The following PPP1R9A variants were observed in gnomAD, a reference collection of about 807,000 sequenced individuals.
PPP1R9A encodes protein phosphatase 1 regulatory subunit 9A.
A neutral mutation model predicts 141.9 loss-of-function variants in PPP1R9A; 59 were observed. That is an observed-to-expected ratio of 0.42 (90% CI 0.34 to 0.52). The LOEUF (loss-of-function observed/expected upper bound fraction) is 0.52, where lower values mean the gene tolerates loss of function less well. PPP1R9A is among the 20% of genes least tolerant of loss of function. The pLI, the probability that PPP1R9A is intolerant of heterozygous loss-of-function variation, is 0.10. For synonymous variants in PPP1R9A, 500 were observed against 569.7 expected (o/e 0.88, Z 1.74); for missense variants, 1,444 against 1,611.9 (o/e 0.90, Z 1.78).
chr7:95,240,201 G>GT (rs34600052), intron 8 of PPP1R9A, among the ~76,000 whole-genome samples: 20,020 of 151,890 alleles, frequency 0.13, 1,513 homozygotes, highest in African/African-American at 0.18. Flanking sequence ...AAGTTTTATT[G>GT]TTTTAAGAGT....
intron 4 of PPP1R9A, among the ~76,000 whole-genome samples, chr7:95,142,063 T>TA (rs1327512994): frequency 6.6e-6 from 1 of 152,134 alleles, no homozygotes; most frequent in African/African-American, 2.4e-5. Flanking sequence ...ATTGAGTGGG[T>TA]ATGAAGTATT....
At chr7:95,200,878 GT>G (rs899646718) in intron 6 of PPP1R9A, among the ~76,000 whole-genome samples, 1 of 152,136 alleles carries the variant, frequency 6.6e-6, no homozygotes, top group East Asian at 1.9e-4. Context: ...AGCAACTGAG[GT>G]TTTTTTCTAG....
At chr7:95,219,697 G>A (rs1554570624) in intron 7 of PPP1R9A, among the ~76,000 whole-genome samples, 2 of 151,998 alleles carry the variant, frequency 1.3e-5, no homozygotes, top group Non-Finnish European at 2.9e-5. Flanking sequence ...GCTGGGCCAG[G>A]CATCATTTTG....
chr7:95,128,568 CGTTT>C (rs372584781), intron 4 of PPP1R9A, among the ~76,000 whole-genome samples: 32 of 151,850 alleles, frequency 2.1e-4, no homozygotes, highest in Middle Eastern at 3.4e-3. Context: ...GTTTTCTGTT[CGTTT>C]GTTTGTTTGT....
intron 2 of PPP1R9A, among the ~76,000 whole-genome samples, chr7:94,915,068 AT>A: frequency 6.6e-6 from 1 of 152,268 alleles, no homozygotes. Flanking sequence ...TCTGAAAAAG[AT>A]TTTTCTAACT....
At chr7:95,131,270 C>T (rs1824557146) in intron 4 of PPP1R9A, among the ~76,000 whole-genome samples, 1 of 152,170 alleles carries the variant, frequency 6.6e-6, no homozygotes, top group African/African-American at 2.4e-5. Flanking sequence ...AGGGGAGTTT[C>T]CCTGCAGAAG....
At chr7:95,257,673 C>G (rs374955028) in intron 12 of PPP1R9A, among the ~76,000 whole-genome samples, 10 of 152,148 alleles carry the variant, frequency 6.6e-5, no homozygotes, top group African/African-American at 2.2e-4. Context: ...CTGCTCCCCC[C>G]ACCCCACAAC....
intron 2 of PPP1R9A, among the ~76,000 whole-genome samples, chr7:95,046,640 G>A (rs1810054016): frequency 6.6e-6 from 1 of 152,166 alleles, no homozygotes; most frequent in African/African-American, 2.4e-5. Context: ...GTAATACTTG[G>A]ATTGAGCCCA....
At chr7:95,167,862 A>G (rs572946284) in intron 5 of PPP1R9A, among the ~76,000 whole-genome samples, 3 of 152,278 alleles carry the variant, frequency 2.0e-5, no homozygotes, top group Admixed American at 6.5e-5. Context: ...AGACCTTCAC[A>G]AGGAAAACTA....
At chr7:95,196,046 T>C (rs1836220000) in intron 5 of PPP1R9A, among the ~76,000 whole-genome samples, 1 of 149,700 alleles carries the variant, frequency 6.7e-6, no homozygotes, top group Non-Finnish European at 1.5e-5. Context: ...CAAGACTCTG[T>C]TTTAAAAATA....
chr7:95,221,426 C>T (rs1412552558), intron 7 of PPP1R9A, among the ~76,000 whole-genome samples: 2 of 152,054 alleles, frequency 1.3e-5, no homozygotes, highest in East Asian at 3.9e-4. Context: ...CCCAATATAA[C>T]AGATACTCTC....
At chr7:94,920,441 C>A (rs1209038333) in intron 2 of PPP1R9A, among the ~76,000 whole-genome samples, 6 of 151,822 alleles carry the variant, frequency 4.0e-5, no homozygotes, top group Non-Finnish European at 8.8e-5. Context: ...ACAAAGAAGA[C>A]AGCGAAATAC....
intron 4 of PPP1R9A, among the ~76,000 whole-genome samples, chr7:95,150,519 G>A (rs1456387422): frequency 1.3e-5 from 2 of 152,120 alleles, no homozygotes; most frequent in East Asian, 3.9e-4. Context: ...TGGCCATGCT[G>A]ATCTCGAACT....
intron 2 of PPP1R9A, among the ~76,000 whole-genome samples, chr7:95,053,342 A>G (rs561113613): frequency 1.3e-5 from 2 of 152,346 alleles, no homozygotes; most frequent in East Asian, 3.9e-4. Flanking sequence ...CAGAGGGAAC[A>G]GGGAATAGAG....
At chr7:95,158,255 C>T (rs976811538) in intron 4 of PPP1R9A, among the ~76,000 whole-genome samples, 17 of 151,904 alleles carry the variant, frequency 1.1e-4, no homozygotes, top group Non-Finnish European at 5.9e-5. Context: ...GTTGTTTATA[C>T]ATTTGAAAAA....
At chr7:95,044,992 T>C (rs963832281) in intron 2 of PPP1R9A, among the ~76,000 whole-genome samples, 3 of 151,960 alleles carry the variant, frequency 2.0e-5, no homozygotes, top group Admixed American at 2.0e-4. Context: ...AGAAAATGGG[T>C]TCTAGGACTA....
chr7:95,250,276 A>G (rs758976682), intron 10 of PPP1R9A, 21 bp downstream of exon 10: 33 of 1,572,032 alleles, frequency 2.1e-5, no homozygotes, highest in Non-Finnish European at 2.7e-5. Flanking sequence ...TCTAATAACT[A>G]AAGAATAGTT....
At chr7:94,967,417 A>G (rs1036807005) in intron 2 of PPP1R9A, among the ~76,000 whole-genome samples, 2 of 152,054 alleles carry the variant, frequency 1.3e-5, no homozygotes, top group Admixed American at 6.6e-5. Context: ...TAGAGTATCA[A>G]TTTTAGATCT....
intron 2 of PPP1R9A, among the ~76,000 whole-genome samples, chr7:94,994,350 G>T (rs1220942288): frequency 6.6e-6 from 1 of 152,090 alleles, no homozygotes; most frequent in African/African-American, 2.4e-5. Context: ...GGAAGAAAGG[G>T]CGGGAGAAGA....
Sources: gnomAD v4.1 joint callset for allele counts (sites outside exome capture counted in the v4.1 genomes callset) on GRCh38, gnomAD v4.1.1 for gene constraint, MANE v1.5 for transcripts, NCBI Gene and HGNC (gene_info 2026-07-23, HGNC 2026-07-21) for gene names.